The following FSIP1 variants were observed in gnomAD, a reference collection of about 807,000 sequenced individuals.
FSIP1 encodes fibrous sheath interacting protein 1.
FSIP1 carries 65 observed loss-of-function variants against 60.9 expected under a neutral mutation model. The ratio of observed to expected loss-of-function variants is 1.07; its 90% confidence interval spans 0.87 to 1.31. The LOEUF is 1.31. Among genes scored for constraint, FSIP1 ranks in the 40% most tolerant of loss-of-function variants. The pLI, the probability that FSIP1 is intolerant of heterozygous loss-of-function variation, is 0.00. For synonymous variants in FSIP1, 209 were observed against 221.2 expected (o/e 0.94, Z 0.49); for missense variants, 675 against 665.5 (o/e 1.01, Z -0.16).
intron 4 of FSIP1, among the ~76,000 whole-genome samples, chr15:39,764,122 T>C (rs1897598039): frequency 6.6e-6 from 1 of 152,160 alleles, no homozygotes; most frequent in African/African-American, 2.4e-5. Context: ...TATATGCCTA[T>C]CATTATATGA....
chr15:39,693,548 G>T (rs1894688950), intron 10 of FSIP1, among the ~76,000 whole-genome samples: 1 of 152,184 alleles, frequency 6.6e-6, no homozygotes, highest in African/African-American at 2.4e-5. Context: ...GCCAGAATAA[G>T]ATTTAAGTAT....
chr15:39,775,338 T>C (rs1243660357), intron 2 of FSIP1, among the ~76,000 whole-genome samples: 3 of 151,378 alleles, frequency 2.0e-5, no homozygotes, highest in Non-Finnish European at 4.4e-5. Flanking sequence ...GAATCTAGTC[T>C]ACAAACAAAA....
intron 10 of FSIP1, among the ~76,000 whole-genome samples, chr15:39,665,443 A>ATATTACT (rs1893458302): frequency 6.6e-6 from 1 of 152,224 alleles, no homozygotes; most frequent in Admixed American, 6.5e-5. Context: ...AAATAACAAA[A>ATATTACT]TATTACTTTT....
At chr15:39,748,939 C>G (rs1303988468) in intron 5 of FSIP1, among the ~76,000 whole-genome samples, 1 of 151,614 alleles carries the variant, frequency 6.6e-6, no homozygotes, top group Non-Finnish European at 1.5e-5. Flanking sequence ...ACAGAAGACT[C>G]AAATATCTAG....
In FSIP1 at chr15:39,756,792, T is replaced by C. The variant is rs1566915330; in HGVS notation, c.559+7029A>G. On this transcript the variant is annotated intron_variant, in intron 5 of 11. Transcript: ENST00000350221. ...TATGCTGAAATAGGTCTGGCTTTAA[T>C]AACGTGATCATGCTTAAAATGATTC... 2.6e-5 allele frequency among the ~76,000 whole-genome samples: 4 copies of C among 152,288 alleles called. No individual in the cohort carries two copies. In the South Asian group the frequency reaches 8.3e-4, roughly 32 times the overall value.
At chr15:39,695,962 G>A (rs1894796875) in intron 10 of FSIP1, among the ~76,000 whole-genome samples, 1 of 152,212 alleles carries the variant, frequency 6.6e-6, no homozygotes, top group South Asian at 2.1e-4. Flanking sequence ...GGTAGTAGCA[G>A]GCGCTTTCGC....
chr15:39,767,622 G>A (rs940572187), intron 3 of FSIP1, among the ~76,000 whole-genome samples: 5 of 152,156 alleles, frequency 3.3e-5, no homozygotes, highest in East Asian at 1.9e-4. Context: ...GACCTTAAGC[G>A]TACAAGACAC....
At chr15:39,606,140 TCA>T (rs1890815801) in intron 11 of FSIP1, among the ~76,000 whole-genome samples, 1 of 152,206 alleles carries the variant, frequency 6.6e-6, no homozygotes, top group East Asian at 1.9e-4. Context: ...GGTTTTATGT[TCA>T]CAGTTTCAAT....
intron 11 of FSIP1, among the ~76,000 whole-genome samples, chr15:39,606,238 G>C (rs1396348912): frequency 6.6e-6 from 1 of 152,206 alleles, no homozygotes; most frequent in Non-Finnish European, 1.5e-5. Flanking sequence ...GGACACTTCT[G>C]AGCAATCCAA....
chr15:39,716,728 G>A (rs764311753), intron 9 of FSIP1, among the ~76,000 whole-genome samples: 3 of 151,256 alleles, frequency 2.0e-5, no homozygotes, highest in Non-Finnish European at 4.4e-5. Context: ...ACCAAATGTT[G>A]GAAATGTGTG....
Position 39,777,398 on chromosome 15 carries a change from A to G in FSIP1, c.-7-867T>C, listed in dbSNP as rs544154557. 1.3e-4 allele frequency among the ~76,000 whole-genome samples: 20 copies of G among 152,328 alleles called. 1 individual carries two copies. In the East Asian group the frequency reaches 3.7e-3, roughly 28 times the overall value. The stretch of plus-strand genomic sequence containing the variant: ...TAATTCTATTTCTGCCCTCTGAAGC[A>G]AGAGAACAAAACCTACTTCCTTTAT... On this transcript the variant is annotated intron_variant, in intron 1 of 11. Coordinates refer to ENST00000350221, the MANE Select transcript of FSIP1 (RefSeq NM_152597.5).
chr15:39,692,569 C>T (rs571420201), intron 10 of FSIP1, among the ~76,000 whole-genome samples: 16 of 151,980 alleles, frequency 1.1e-4, no homozygotes, highest in Non-Finnish European at 2.1e-4. Flanking sequence ...GCCTGTTATC[C>T]GATAAAAGGA....
chr15:39,763,839 C>G lies in FSIP1; in HGVS notation c.541G>C (p.Val181Leu). Residue 181 changes from valine to leucine, a missense_variant, in exon 5 of 12, where the codon GTT becomes CTT. Physicochemically the swap from Val to Leu is conservative, Grantham distance 32. Transcript: ENST00000350221. ...NTKKFLSLTA[V>L]SEETVGPSHE... is the part of the protein sequence containing the mutation. The stretch of plus-strand genomic sequence containing the variant: ...TACTCACCAACAGTTTCTTCAGAAA[C>G]AGCAGTCAAAGATAAAAATTTTTTT... 1.3e-6 allele frequency: 2 copies of G among 1,573,708 alleles called. No homozygotes were observed. The highest frequency in any genetic ancestry group is 1.7e-6 in the Non-Finnish European group (2 of 1,144,156).
At chr15:39,697,211 A>T (rs183759391) in intron 10 of FSIP1, among the ~76,000 whole-genome samples, 38 of 152,282 alleles carry the variant, frequency 2.5e-4, no homozygotes, top group Admixed American at 2.4e-3. Flanking sequence ...GGTACAAGAG[A>T]ACCTTTCACA....
At chr15:39,756,731 G>T (rs181905485) in intron 5 of FSIP1, among the ~76,000 whole-genome samples, 281 of 152,168 alleles carry the variant, frequency 1.8e-3, no homozygotes, top group Middle Eastern at 0.01. Flanking sequence ...GACAAAAAAT[G>T]AAAAGAAAGA....
intron 9 of FSIP1, among the ~76,000 whole-genome samples, chr15:39,726,247 T>C (rs1787357881): frequency 6.6e-6 from 1 of 152,158 alleles, no homozygotes; most frequent in Non-Finnish European, 1.5e-5. Flanking sequence ...CTGTCATTGC[T>C]AATACCTAGT....
intron 10 of FSIP1, among the ~76,000 whole-genome samples, chr15:39,660,849 G>A (rs1040020657): frequency 6.6e-6 from 1 of 152,146 alleles, no homozygotes; most frequent in African/African-American, 2.4e-5. Context: ...GATTACCTGA[G>A]GTCAGGAGTT....
chr15:39,690,337 T>A (rs1339305939), intron 10 of FSIP1, among the ~76,000 whole-genome samples: 4 of 152,312 alleles, frequency 2.6e-5, no homozygotes, highest in South Asian at 2.1e-4. Context: ...AGGAGACTAG[T>A]TGCAGAAGGA....
At chr15:39,659,201 T>G (rs1206535030) in intron 10 of FSIP1, among the ~76,000 whole-genome samples, 1 of 152,220 alleles carries the variant, frequency 6.6e-6, no homozygotes, top group East Asian at 1.9e-4. Flanking sequence ...GTAAAAAAAG[T>G]ATTCCAGTAT....
Sources: gnomAD v4.1 joint callset for allele counts (sites outside exome capture counted in the v4.1 genomes callset) on GRCh38, gnomAD v4.1.1 for gene constraint, MANE v1.5 for transcripts, NCBI Gene and HGNC (gene_info 2026-07-23, HGNC 2026-07-21) for gene names.